The following DCAF1 variants were observed in gnomAD, a reference collection of about 807,000 sequenced individuals.
The protein encoded by DCAF1 is DDB1 and CUL4 associated factor 1, also known as DDB1- and CUL4-associated factor 1.
Under a neutral mutation model 128.0 loss-of-function variants are expected in DCAF1, and 15 were observed. The ratio of observed to expected loss-of-function variants is 0.12; its 90% CI spans 0.08 to 0.18. DCAF1 has a LOEUF of 0.18. Ranked by LOEUF, DCAF1 falls within the 10% of genes least tolerant of loss-of-function variation. The pLI is 1.00. For synonymous variants in DCAF1, 610 were observed against 603.0 expected (o/e 1.01, Z -0.17); for missense variants, 988 against 1,649.5 (o/e 0.60, Z 6.95).
chr3:51,493,205 G>A (rs1707855400), intron 2 of DCAF1, among the ~76,000 whole-genome samples: 1 of 151,696 alleles, frequency 6.6e-6, no homozygotes, highest in South Asian at 2.1e-4. Flanking sequence ...CAGCACTTTG[G>A]GAGGCCAAGG....
Position 51,398,620 on chromosome 3 carries a change from A to C in DCAF1, c.*149T>G, listed in dbSNP as rs1240004486. 3 of 1,037,820 alleles carry C rather than the reference A, an allele frequency of 2.9e-6. No homozygotes were observed. Among genetic ancestry groups the C allele is most frequent in the Non-Finnish European group, 2.8e-6 (2 of 726,622 alleles). The allele number at this position is 1,037,820 out of a possible 1,614,324, so 64.3% of individuals were successfully genotyped here. On this transcript the variant is annotated 3_prime_UTR_variant, in exon 25 of 25. Transcript: ENST00000684031. ...CTGGAAGGACCCTCGGGTGCCAATG[A>C]GGCTCTCTAAGCCATAATCTTCTGA...
intron 4 of DCAF1, among the ~76,000 whole-genome samples, chr3:51,468,374 G>A (rs1266725508): frequency 6.6e-6 from 1 of 152,110 alleles, no homozygotes; most frequent in African/African-American, 2.4e-5. Flanking sequence ...GTTTCACCAT[G>A]TTGGCCAAGC....
chr3:51,454,834 C>T (rs1369671038), intron 6 of DCAF1, among the ~76,000 whole-genome samples: 1 of 151,974 alleles, frequency 6.6e-6, no homozygotes, highest in East Asian at 1.9e-4. Flanking sequence ...CCACCACACC[C>T]GGCTAATTTT....
rs782424280 is a variant in DCAF1 at position 51,416,861 on chromosome 3, T to C, written c.3529A>G (p.Thr1177Ala). 5 of 1,608,566 alleles carry C rather than the reference T, an allele frequency of 3.1e-6. No individual in the cohort carries two copies. Among genetic ancestry groups the C allele is most frequent in the African/African-American group, 1.3e-5 (1 of 74,854 alleles). ...KSVFDMKHSF[T>A]EDHYVEFSKH... ...CTGAACTCAACATAGTGATCTTCTG[T>C]GAAGGAATGCCTATGGACAAACAAC... The change falls in exon 18 of 25, where the codon ACA (threonine) becomes GCA (alanine). Residue 1177 changes from threonine to alanine, a missense_variant. Physicochemically the swap from Thr to Ala is moderately conservative, Grantham distance 58 (BLOSUM62 0). Coordinates refer to ENST00000684031, the MANE Select transcript of DCAF1 (RefSeq NM_001387579.1).
At chr3:51,400,748 A>C (rs1553624575) in intron 24 of DCAF1, among the ~76,000 whole-genome samples, 1 of 152,022 alleles carries the variant, frequency 6.6e-6, no homozygotes, top group East Asian at 1.9e-4. Context: ...AAGGCAGACA[A>C]TCTAGGTATA....
At chr3:51,487,727 A>C (rs1553656057) in intron 2 of DCAF1, among the ~76,000 whole-genome samples, 2 of 151,556 alleles carry the variant, frequency 1.3e-5, no homozygotes, top group Non-Finnish European at 2.9e-5. Context: ...TTTTAAAGAC[A>C]GGGTCCCCCT....
chr3:51,420,870 A>G lies in DCAF1; in HGVS notation c.2100T>C (p.Gly700=). ...CGPDNRISSI[G]KFISGTPRRK... ...TCCGAGGAGTACCAGAGATAAATTT[A>G]CCAATACTGGATATTCGGTTATCTG... is the stretch of plus-strand genomic sequence containing the variant. Residue 700 remains glycine, a synonymous_variant, in exon 15 of 25, where the codon GGT becomes GGC. Coordinates refer to ENST00000684031, the MANE Select transcript of DCAF1 (RefSeq NM_001387579.1). The surrounding 1 kb of genome is among the most constrained non-coding windows in gnomAD (Gnocchi z 6.5). 6.2e-7 allele frequency: 1 copy of G among 1,613,980 alleles called. No individual in the cohort carries two copies. Among genetic ancestry groups the G allele is most frequent in the East Asian group, 2.2e-5 (1 of 44,874 alleles).
intron 4 of DCAF1, among the ~76,000 whole-genome samples, chr3:51,470,389 C>T (rs1037161850): frequency 6.6e-6 from 1 of 151,994 alleles, no homozygotes; most frequent in African/African-American, 2.4e-5. Flanking sequence ...AGCAAGACCC[C>T]ATCTCTACAA....
Position 51,441,400 on chromosome 3 carries a change from T to C in DCAF1, c.1011A>G (p.Leu337=). The stretch of plus-strand genomic sequence containing the variant: ...ATAAGCTTACCTCCTGATATTCTCC[T>C]AGAGGGGTCAAATATTGGAGAATGA... ...QRLILQYLTP[L]GEYQELLPIF... The change falls in exon 8 of 25, where the codon CTA becomes CTG. Residue 337 remains leucine, a synonymous_variant. Transcript: ENST00000684031. The C allele has an allele frequency of 1.2e-6, 2 of 1,613,232 alleles. No homozygotes were observed. The highest frequency in any genetic ancestry group is 1.7e-6 in the Non-Finnish European group (2 of 1,179,568).
intron 2 of DCAF1, among the ~76,000 whole-genome samples, chr3:51,495,594 C>T (rs1260591885): frequency 1.3e-5 from 2 of 151,296 alleles, no homozygotes; most frequent in African/African-American, 2.4e-5. Flanking sequence ...AACATAGTAT[C>T]AATGAAAGCA....
At chr3:51,500,679 G>A (rs782032798), upstream of DCAF1, among the ~76,000 whole-genome samples, 2 of 152,002 alleles carry the variant, frequency 1.3e-5, no homozygotes, top group Non-Finnish European at 2.9e-5. Flanking sequence ...GACTACAGGC[G>A]CATGCCACCA....
intron 24 of DCAF1, among the ~76,000 whole-genome samples, chr3:51,401,150 A>G (rs2089666320): frequency 1.3e-5 from 2 of 151,748 alleles, no homozygotes; most frequent in Admixed American, 6.6e-5. Context: ...AAAAAAAAAA[A>G]AAAGATCTCA....
chr3:51,490,038 A>G (rs1707453272), intron 2 of DCAF1, among the ~76,000 whole-genome samples: 1 of 152,172 alleles, frequency 6.6e-6, no homozygotes, highest in South Asian at 2.1e-4. Flanking sequence ...ACTAGCCAAA[A>G]AACAATATGA....
At chr3:51,457,826 G>A (rs1703090828) in intron 6 of DCAF1, among the ~76,000 whole-genome samples, 1 of 152,154 alleles carries the variant, frequency 6.6e-6, no homozygotes, top group Non-Finnish European at 1.5e-5. Flanking sequence ...CTTCATAAGT[G>A]AAGGAGAAAT....
intron 6 of DCAF1, 102 bp downstream of exon 6, chr3:51,463,012 G>C: frequency 1.6e-6 from 1 of 636,306 alleles, no homozygotes. Context: ...ATTACTATAT[G>C]AATAACAAAA....
chr3:51,410,532 T>C (rs1366509970), intron 23 of DCAF1, among the ~76,000 whole-genome samples: 2 of 152,246 alleles, frequency 1.3e-5, no homozygotes, highest in Non-Finnish European at 2.9e-5. Flanking sequence ...CAAAACACTC[T>C]TGCTTAGTCA....
chr3:51,473,221 C>T (rs1704973455), intron 3 of DCAF1, among the ~76,000 whole-genome samples: 1 of 148,720 alleles, frequency 6.7e-6, no homozygotes, highest in Admixed American at 6.7e-5. Flanking sequence ...GGTTGTACTC[C>T]ATTGCACTCC....
chr3:51,430,343 C>T, intron 10 of DCAF1, 131 bp from the exon 11 acceptor site: 1 of 568,870 alleles, frequency 1.8e-6, no homozygotes, highest in East Asian at 2.9e-5. Context: ...ACTCTTAGTA[C>T]AAAGTTTAGG....
intron 9 of DCAF1, among the ~76,000 whole-genome samples, chr3:51,439,183 C>G (rs1200604021): frequency 2.0e-5 from 3 of 152,000 alleles, no homozygotes; most frequent in African/African-American, 7.2e-5. Context: ...CGCTCAGGCT[C>G]ACCCTAGTGA....
Sources: gnomAD v4.1 joint callset for allele counts (sites outside exome capture counted in the v4.1 genomes callset) on GRCh38, gnomAD v4.1.1 for gene constraint, Gnocchi (gnomAD v3.1) non-coding constraint, MANE v1.5 for transcripts, NCBI Gene and HGNC (gene_info 2026-07-23, HGNC 2026-07-21) for gene names.